Variants in ELAVL2 observed in about 807,000 individuals in gnomAD.
The protein encoded by ELAVL2 is ELAV like RNA binding protein 2, also known as ELAV-like protein 2.
A neutral mutation model predicts 34.6 loss-of-function variants in ELAVL2; 4 were observed. That is an observed-to-expected ratio of 0.12 (90% confidence interval 0.06 to 0.26). The LOEUF (loss-of-function observed/expected upper bound fraction) is 0.26, where lower values mean the gene tolerates loss of function less well. Ranked by LOEUF, ELAVL2 falls within the 10% of genes least tolerant of loss-of-function variation. The pLI is 1.00. For missense variants in ELAVL2, 432 were observed against 442.8 expected, an observed-to-expected ratio of 0.98 and a Z score of 0.22; for synonymous variants, 193 against 154.8, an observed-to-expected ratio of 1.25 and a Z score of -1.83.
At chr9:23,822,297 T>G (rs1015423333) in intron 1 of ELAVL2, among the ~76,000 whole-genome samples, 1 of 152,208 alleles carries the variant, frequency 6.6e-6, no homozygotes, top group African/African-American at 2.4e-5. Flanking sequence ...AAATAAAGGC[T>G]TAGCCCCCTG....
chr9:23,758,389 GA>G (rs994821375), intron 2 of ELAVL2, among the ~76,000 whole-genome samples: 19 of 151,018 alleles, frequency 1.3e-4, no homozygotes, highest in African/African-American at 4.1e-4. Context: ...AAGAAACTCA[GA>G]AAAAAAAATA....
intron 3 of ELAVL2, among the ~76,000 whole-genome samples, chr9:23,721,581 C>A (rs1048440952): frequency 4.6e-5 from 7 of 152,134 alleles, no homozygotes; most frequent in African/African-American, 1.7e-4. Flanking sequence ...GGAGAGGAGG[C>A]AGGCAAGTAT....
intron 3 of ELAVL2, among the ~76,000 whole-genome samples, chr9:23,721,508 A>T (rs2043711604): frequency 6.6e-6 from 1 of 152,180 alleles, no homozygotes; most frequent in Non-Finnish European, 1.5e-5. Flanking sequence ...ACAGAACACA[A>T]ATCCAAGACT....
In ELAVL2 at chr9:23,727,011, C is replaced by T. The variant is rs141179133; in HGVS notation, c.333+4011G>A. On this transcript the variant is annotated intron_variant, in intron 3 of 6. Coordinates refer to ENST00000397312, the MANE Select transcript of ELAVL2 (RefSeq NM_004432.5). ...ACTTGACACTTCCATGAGATTACTC[C>T]CCCACCCCCATGCCTGAACTGTACA... 8.5e-4 allele frequency among the ~76,000 whole-genome samples: 130 copies of T among 152,142 alleles called. 2 individuals are homozygous for T. In the East Asian group the frequency reaches 0.023, roughly 27 times the overall value.
At position 23,797,753 on chromosome 9, in the gene ELAVL2, AC is replaced by A. The variant is rs1214967513; in HGVS notation, c.-16+28052del. 2.6e-5 allele frequency among the ~76,000 whole-genome samples: 4 copies of A among 151,484 alleles called. No homozygotes were observed. In the East Asian group the frequency reaches 7.8e-4, roughly 29 times the overall value. On this transcript the variant is annotated intron_variant, in intron 1 of 6. Transcript: ENST00000397312. ...GACCAATCTGACCAACATGGAGAAA[AC>A]CCCGCCTCTGCTAAAAATACAAAAT...
At chr9:23,743,409 A>G (rs1032758127) in intron 2 of ELAVL2, among the ~76,000 whole-genome samples, 1 of 152,168 alleles carries the variant, frequency 6.6e-6, no homozygotes, top group African/African-American at 2.4e-5. Context: ...GGATACTTTG[A>G]GGAAGATTTT....
chr9:23,793,802 T>C (rs1759147683), intron 1 of ELAVL2, among the ~76,000 whole-genome samples: 2 of 152,202 alleles, frequency 1.3e-5, no homozygotes, highest in Admixed American at 6.5e-5. Context: ...CTCCAAACTT[T>C]TATAACTATT....
chr9:23,772,420 G>T (rs542425235), intron 1 of ELAVL2, among the ~76,000 whole-genome samples: 1 of 151,300 alleles, frequency 6.6e-6, no homozygotes, highest in African/African-American at 2.4e-5. Flanking sequence ...TGTTATAAAG[G>T]CCACAACACT....
chr9:23,806,620 T>TA lies in ELAVL2; in HGVS notation c.-16+19185dup, dbSNP rs546776786. Among the ~76,000 whole-genome samples, 186 of 147,944 alleles carry TA rather than the reference T, an allele frequency of 1.3e-3. 1 individual carries two copies. The highest frequency in any genetic ancestry group is 3.6e-3 in the South Asian group (17 of 4,696). On this transcript the variant is annotated intron_variant, in intron 1 of 6. Transcript: ENST00000397312. Reference sequence around the variant, plus strand: ...GCCACTGCAGTGAGACTAAATCTCTTAAAAAAAAAAATCAGTAATAAGACA... The same window carrying TA: ...GCCACTGCAGTGAGACTAAATCTCTTAAAAAAAAAAAATCAGTAATAAGACA...
At chr9:23,782,009 C>T (rs927963221) in intron 1 of ELAVL2, among the ~76,000 whole-genome samples, 16 of 151,858 alleles carry the variant, frequency 1.1e-4, no homozygotes, top group Middle Eastern at 3.4e-3. Context: ...TTTGTGGAGA[C>T]GAGGTTTTGC....
intron 2 of ELAVL2, among the ~76,000 whole-genome samples, chr9:23,746,731 C>T (rs2050583549): frequency 6.6e-6 from 1 of 150,620 alleles, no homozygotes; most frequent in Non-Finnish European, 1.5e-5. Flanking sequence ...TTCCCCAATA[C>T]AGAAGGACCC....
the ELAVL2 span, among the ~76,000 whole-genome samples, chr9:23,845,623 A>AG: frequency 6.6e-6 from 1 of 151,742 alleles, no homozygotes; most frequent in Non-Finnish European, 1.5e-5. Flanking sequence ...CTTAAAAAAA[A>AG]AATCTACTAG....
At chr9:23,709,790 T>A (rs2040440769) in intron 3 of ELAVL2, among the ~76,000 whole-genome samples, 1 of 152,198 alleles carries the variant, frequency 6.6e-6, no homozygotes, top group South Asian at 2.1e-4. Flanking sequence ...AGAAGCAAGG[T>A]TATGAAATGT....
At chr9:23,702,096 A>G (rs2037465126) in intron 4 of ELAVL2, among the ~76,000 whole-genome samples, 1 of 152,222 alleles carries the variant, frequency 6.6e-6, no homozygotes, top group Non-Finnish European at 1.5e-5. Context: ...TGTGGTAGAA[A>G]GACATTTCGG....
At chr9:23,750,508 C>T (rs920485726) in intron 2 of ELAVL2, among the ~76,000 whole-genome samples, 3 of 152,124 alleles carry the variant, frequency 2.0e-5, no homozygotes, top group Non-Finnish European at 4.4e-5. Flanking sequence ...AATCATTCTA[C>T]TTGAGAAGGT....
intron 3 of ELAVL2, among the ~76,000 whole-genome samples, chr9:23,715,051 C>T (rs2041948527): frequency 6.6e-6 from 1 of 152,128 alleles, no homozygotes; most frequent in Non-Finnish European, 1.5e-5. Context: ...TTTTATACTT[C>T]TAGAGGGAGG....
At chr9:23,762,451 A>G (rs1378995073) in intron 1 of ELAVL2, among the ~76,000 whole-genome samples, 1 of 152,120 alleles carries the variant, frequency 6.6e-6, no homozygotes, top group Non-Finnish European at 1.5e-5. Context: ...ATATTTTCAC[A>G]TACATATTCC....
chr9:23,701,406 G>T lies in ELAVL2; in HGVS notation c.686C>A (p.Pro229Gln), dbSNP rs1045462141. The T allele has an allele frequency of 6.2e-7, 1 of 1,613,942 alleles. No individual in the cohort carries two copies. Among genetic ancestry groups the T allele is most frequent in the African/African-American group, 1.3e-5 (1 of 74,894 alleles). The change falls in exon 5 of 7, where the codon CCG (proline) becomes CAG (glutamine). Residue 229 changes from proline to glutamine, a missense_variant. Physicochemically the swap from Pro to Gln is moderately conservative, Grantham distance 76 (BLOSUM62 -1). Transcript: ENST00000397312. The stretch of plus-strand genomic sequence containing the variant: ...AAAACGCTGTGCCTGCTGAGCTAGC[G>T]GTCCTGGATACCTTCTGTTTGGAGA... The part of the protein sequence containing the change: ...YQSPNRRYPG[P>Q]LAQQAQRFRL...
chr9:23,747,085 T>C (rs756767673), intron 2 of ELAVL2, among the ~76,000 whole-genome samples: 2 of 151,992 alleles, frequency 1.3e-5, no homozygotes, highest in Admixed American at 6.6e-5. Flanking sequence ...CCCCCTACCT[T>C]ATCCTTGGGG....
Sources: allele counts gnomAD v4.1 joint callset (sites outside exome capture counted in the v4.1 genomes callset), GRCh38; gene constraint gnomAD v4.1.1; transcripts MANE v1.5; gene names NCBI Gene and HGNC (gene_info 2026-07-23, HGNC 2026-07-21).